Variants in ADGRB3 observed in about 807,000 individuals in gnomAD.
ADGRB3 encodes the protein brain-specific angiogenesis inhibitor 3.
Under a neutral mutation model 193.4 loss-of-function variants are expected in ADGRB3, and 37 were observed. The observed-to-expected ratio is 0.19, with a 90% confidence interval of 0.15 to 0.25. ADGRB3 has a LOEUF of 0.25. Among genes scored for constraint, ADGRB3 ranks in the 10% least tolerant of loss-of-function variants. The pLI is 1.00. For missense variants in ADGRB3, 1,637 were observed against 1,852.9 expected (o/e 0.88, Z 2.14); for synonymous variants, 690 against 644.2 (o/e 1.07, Z -1.08).
At chr6:69,066,874 A>G (rs534176893) in intron 16 of ADGRB3, among the ~76,000 whole-genome samples, 1 of 152,250 alleles carries the variant, frequency 6.6e-6, no homozygotes, top group East Asian at 1.9e-4. Flanking sequence ...TTGAGGGCCA[A>G]TGAGTGCAAT....
intron 17 of ADGRB3, among the ~76,000 whole-genome samples, chr6:69,208,694 G>A (rs1230824252): frequency 6.6e-6 from 1 of 152,200 alleles, no homozygotes; most frequent in African/African-American, 2.4e-5. Flanking sequence ...CAGTGCAGGC[G>A]AGGGGAGAGA....
chr6:68,798,800 G>A (rs1191983828), intron 3 of ADGRB3, among the ~76,000 whole-genome samples: 5 of 152,202 alleles, frequency 3.3e-5, no homozygotes, highest in African/African-American at 4.8e-5. Flanking sequence ...TCCAGAAGAA[G>A]CAAGTTAGTG....
chr6:68,838,561 A>C (rs1768089266), intron 3 of ADGRB3, among the ~76,000 whole-genome samples: 1 of 152,186 alleles, frequency 6.6e-6, no homozygotes, highest in Non-Finnish European at 1.5e-5. Context: ...TGATACTATA[A>C]TTAATTTATT....
At chr6:69,311,511 A>C (rs1446903033) in intron 20 of ADGRB3, among the ~76,000 whole-genome samples, 1 of 151,688 alleles carries the variant, frequency 6.6e-6, no homozygotes, top group African/African-American at 2.4e-5. Flanking sequence ...ATTCTTGGCA[A>C]AGAGAATTTC....
At chr6:69,184,868 G>A (rs1007331039) in intron 17 of ADGRB3, among the ~76,000 whole-genome samples, 4 of 152,028 alleles carry the variant, frequency 2.6e-5, no homozygotes, top group African/African-American at 4.8e-5. Flanking sequence ...GATTACTTGA[G>A]CATTCATTTT....
At chr6:68,740,337 C>T (rs570954538) in intron 3 of ADGRB3, among the ~76,000 whole-genome samples, 19 of 152,216 alleles carry the variant, frequency 1.2e-4, no homozygotes, top group African/African-American at 3.1e-4. Context: ...GCAGCAAGAT[C>T]GCTTGAGCCC....
At chr6:69,347,766 C>T (rs1237633586) in intron 26 of ADGRB3, among the ~76,000 whole-genome samples, 1 of 151,772 alleles carries the variant, frequency 6.6e-6, no homozygotes, top group Non-Finnish European at 1.5e-5. Flanking sequence ...GCCTGGGTGA[C>T]AGAGTGAGGC....
chr6:68,865,184 A>G (rs1765261547), intron 3 of ADGRB3, among the ~76,000 whole-genome samples: 1 of 152,170 alleles, frequency 6.6e-6, no homozygotes, highest in African/African-American at 2.4e-5. Flanking sequence ...GTTTCAAAAC[A>G]TATTTTGCTC....
intron 3 of ADGRB3, among the ~76,000 whole-genome samples, chr6:68,684,930 A>G (rs1225827236): frequency 6.6e-6 from 1 of 152,108 alleles, no homozygotes; most frequent in Non-Finnish European, 1.5e-5. Flanking sequence ...TACTCAAAGA[A>G]AAAGGAGAGT....
chr6:68,966,350 T>C (rs746001153), intron 8 of ADGRB3, among the ~76,000 whole-genome samples: 1 of 152,134 alleles, frequency 6.6e-6, no homozygotes, highest in Non-Finnish European at 1.5e-5. Flanking sequence ...ATTTAAAACA[T>C]TGTCATAAAT....
At chr6:68,715,955 A>G (rs1765482705) in intron 3 of ADGRB3, among the ~76,000 whole-genome samples, 1 of 151,722 alleles carries the variant, frequency 6.6e-6, no homozygotes, top group Non-Finnish European at 1.5e-5. Flanking sequence ...TGGCGGGGGA[A>G]TGCTGACCAC....
At chr6:69,177,915 G>T (rs556464399) in intron 17 of ADGRB3, among the ~76,000 whole-genome samples, 1 of 152,198 alleles carries the variant, frequency 6.6e-6, no homozygotes, top group South Asian at 2.1e-4. Context: ...ATATTCTCTG[G>T]CTCATGGGTG....
At chr6:68,687,512 T>C (rs1179103989) in intron 3 of ADGRB3, among the ~76,000 whole-genome samples, 3 of 152,254 alleles carry the variant, frequency 2.0e-5, no homozygotes, top group African/African-American at 7.2e-5. Flanking sequence ...TATTTTGCCA[T>C]GTATGTTTGT....
At chr6:69,266,454 AT>A (rs1767041454) in intron 20 of ADGRB3, among the ~76,000 whole-genome samples, 2 of 152,026 alleles carry the variant, frequency 1.3e-5, no homozygotes, top group African/African-American at 2.4e-5. Flanking sequence ...ACAAATTACT[AT>A]TTCTAGAGAG....
intron 17 of ADGRB3, among the ~76,000 whole-genome samples, chr6:69,111,778 G>A (rs539910235): frequency 3.2e-4 from 49 of 152,278 alleles, no homozygotes; most frequent in African/African-American, 1.0e-3. Flanking sequence ...CTTGTGAAAT[G>A]CAGAACAAAT....
At chr6:68,874,558 T>A (rs1291524636) in intron 3 of ADGRB3, among the ~76,000 whole-genome samples, 1 of 152,136 alleles carries the variant, frequency 6.6e-6, no homozygotes, top group East Asian at 1.9e-4. Flanking sequence ...GCTTCAAATT[T>A]GGTAAAATGC....
intron 3 of ADGRB3, among the ~76,000 whole-genome samples, chr6:68,751,802 A>G (rs1435114326): frequency 1.3e-5 from 2 of 152,186 alleles, no homozygotes; most frequent in African/African-American, 4.8e-5. Context: ...AAGGGGGCAT[A>G]CTGTAATTAT....
intron 17 of ADGRB3, among the ~76,000 whole-genome samples, chr6:69,178,202 T>A (rs1236953299): frequency 3.3e-5 from 5 of 152,184 alleles, no homozygotes; most frequent in Non-Finnish European, 5.9e-5. Context: ...TTTGTCCTTT[T>A]TTACTTTGGT....
intron 20 of ADGRB3, among the ~76,000 whole-genome samples, chr6:69,256,963 T>C (rs969027556): frequency 5.9e-5 from 7 of 117,784 alleles, no homozygotes; most frequent in African/African-American, 2.5e-4. Context: ...GAGATAATCA[T>C]GTGGTTTTTG....
Sources: gnomAD v4.1 joint callset for allele counts (sites outside exome capture counted in the v4.1 genomes callset) on GRCh38, gnomAD v4.1.1 for gene constraint, MANE v1.5 for transcripts, NCBI Gene and HGNC (gene_info 2026-07-23, HGNC 2026-07-21) for gene names.